WDFY4: variants seen among roughly 807,000 people sequenced by gnomAD.
WDFY4 encodes the protein WDFY family member 4.
WDFY4 carries 169 observed loss-of-function variants against 351.9 expected under a neutral mutation model. The ratio of observed to expected loss-of-function variants is 0.48; its 90% CI spans 0.42 to 0.55. The LOEUF is 0.55. Among genes scored for constraint, WDFY4 ranks in the 20% least tolerant of loss-of-function variants. The pLI is 0.00. For synonymous variants in WDFY4, 1,622 were observed against 1,574.6 expected (o/e 1.03, Z -0.71); for missense variants, 3,803 against 3,935.6 (o/e 0.97, Z 0.90).
At chr10:48,704,792 C>A (rs970337341) in intron 1 of WDFY4, among the ~76,000 whole-genome samples, 1 of 152,252 alleles carries the variant, frequency 6.6e-6, no homozygotes, top group Non-Finnish European at 1.5e-5. Context: ...GCTCCCACCT[C>A]AGTACCAGCT....
At chr10:48,719,911 G>A (rs1049293222) in intron 2 of WDFY4, 100 bp from the exon 3 acceptor site, 13 of 1,073,122 alleles carry the variant, frequency 1.2e-5, no homozygotes, top group East Asian at 2.6e-5. Context: ...AAAGGAAGTC[G>A]AGCTGTCAGC....
At chr10:48,820,603 T>G (rs2067789510) in intron 33 of WDFY4, among the ~76,000 whole-genome samples, 166 bp downstream of exon 33, 1 of 151,524 alleles carries the variant, frequency 6.6e-6, no homozygotes, top group Admixed American at 6.6e-5. Context: ...GATAGAGGAG[T>G]GAGCACAGAG....
intron 51 of WDFY4, among the ~76,000 whole-genome samples, chr10:48,953,914 T>C (rs1342232638): frequency 1.3e-5 from 2 of 152,234 alleles, no homozygotes; most frequent in Admixed American, 6.5e-5. Context: ...AGACTTTGTG[T>C]CCTCTCATGA....
chr10:48,760,524 C>T, intron 13 of WDFY4, 84 bp downstream of exon 13: 1 of 1,393,698 alleles, frequency 7.2e-7, no homozygotes, highest in Non-Finnish European at 9.9e-7. Context: ...AGCTTTTTTC[C>T]TTTTGTCCGT....
At chr10:48,763,281 G>T (rs2132536437) in intron 13 of WDFY4, among the ~76,000 whole-genome samples, 1 of 152,366 alleles carries the variant, frequency 6.6e-6, no homozygotes, top group East Asian at 1.9e-4. Flanking sequence ...TTGTGGTGAT[G>T]GTGAGGGGAA....
At chr10:48,849,917 GT>G (rs985135221) in intron 39 of WDFY4, among the ~76,000 whole-genome samples, 15 of 152,200 alleles carry the variant, frequency 9.9e-5, no homozygotes, top group African/African-American at 2.6e-4. Flanking sequence ...GATATTCCTT[GT>G]TTTTTGTGAC....
Position 48,820,242 on chromosome 10 carries a change from G to A in WDFY4, c.5514G>A (p.Gly1838=), listed in dbSNP as rs989483764. The change falls in exon 33 of 62, where the codon GGG becomes GGA. Residue 1838 remains glycine (G), a synonymous_variant. Coordinates refer to ENST00000325239, the MANE Select transcript of WDFY4 (RefSeq NM_001394531.1). ...GTTCTCTTGTCTTTGAGGGGGTTGG[G>A]GCTGAGTCCACCCGGAACACCAGCA... ...AFPLGAQKGV[G]AESTRNTSSP... is the part of the protein sequence containing the mutation. 98 of 1,551,520 alleles carry A rather than the reference G, an allele frequency of 6.3e-5. No individual in the cohort carries two copies. Among genetic ancestry groups the A allele is most frequent in the Non-Finnish European group, 7.3e-5 (84 of 1,146,996 alleles).
intron 1 of WDFY4, among the ~76,000 whole-genome samples, chr10:48,694,491 G>C (rs922242497): frequency 1.3e-5 from 2 of 151,550 alleles, no homozygotes; most frequent in African/African-American, 2.4e-5. Flanking sequence ...CCATGTATTA[G>C]AGCATCCCTT....
rs1277712751 is a variant in WDFY4, at chr10:48,906,543, A to G, written c.7586+4680A>G. The stretch of plus-strand genomic sequence containing the variant: ...CTGCAAGCCGACAGGGCCTTCTAAC[A>G]TATGCCAGCTAGAGCTGTTGGATGA... On this transcript the variant is annotated intron_variant, in intron 47 of 61. Coordinates refer to ENST00000325239, the MANE Select transcript of WDFY4 (RefSeq NM_001394531.1). Among the ~76,000 whole-genome samples the G allele has an allele frequency of 2.0e-5, 3 of 152,346 alleles. No homozygotes were observed. In the East Asian group the frequency reaches 5.8e-4, roughly 29 times the overall value.
chr10:48,823,169 T>C, intron 35 of WDFY4: 1 of 661,270 alleles, frequency 1.5e-6, no homozygotes, highest in East Asian at 7.8e-5. Context: ...AAAGAGACCT[T>C]TTTTTTTTTT....
intron 35 of WDFY4, 24 bp from the exon 36 acceptor site, chr10:48,826,647 G>A (rs1414727177): frequency 6.6e-7 from 1 of 1,517,932 alleles, no homozygotes; most frequent in Non-Finnish European, 9.0e-7. Flanking sequence ...GTTTGTGTAT[G>A]TGTATGTTTT....
At chr10:48,761,260 T>C (rs928158248) in intron 13 of WDFY4, among the ~76,000 whole-genome samples, 9 of 152,126 alleles carry the variant, frequency 5.9e-5, no homozygotes, top group Admixed American at 1.3e-4. Flanking sequence ...GCATGCAGGC[T>C]TCTGGGAGCC....
intron 51 of WDFY4, among the ~76,000 whole-genome samples, chr10:48,955,162 C>T (rs1841524315): frequency 6.6e-6 from 1 of 152,158 alleles, no homozygotes; most frequent in South Asian, 2.1e-4. Flanking sequence ...ATGAGTGACT[C>T]GTTAGGTGAA....
intron 47 of WDFY4, among the ~76,000 whole-genome samples, chr10:48,922,519 T>A (rs1839176830): frequency 6.6e-6 from 1 of 152,234 alleles, no homozygotes; most frequent in South Asian, 2.1e-4. Flanking sequence ...AACAGTAAAT[T>A]GTTGAAATTG....
chr10:48,973,810 A>T (rs118047489), intron 57 of WDFY4, among the ~76,000 whole-genome samples: 2,413 of 152,354 alleles, frequency 0.016, 23 homozygotes, highest in Admixed American at 0.025. Flanking sequence ...CTGGACACAC[A>T]GCCATCCATG....
At chr10:48,910,805 G>A (rs1054936308) in intron 47 of WDFY4, 1 of 511,482 alleles carries the variant, frequency 2.0e-6, no homozygotes, top group Non-Finnish European at 2.5e-6. Context: ...GCAAGTAAGG[G>A]TGTTGAGGAC....
chr10:48,775,850 A>G, intron 15 of WDFY4, 44 bp downstream of exon 15: 1 of 1,487,234 alleles, frequency 6.7e-7, no homozygotes, highest in Non-Finnish European at 9.2e-7. Flanking sequence ...GGGAAGTAAA[A>G]GATGATAGGC....
At chr10:48,728,015 A>G (rs2064326503) in intron 7 of WDFY4, among the ~76,000 whole-genome samples, 1 of 152,198 alleles carries the variant, frequency 6.6e-6, no homozygotes, top group Non-Finnish European at 1.5e-5. Context: ...AACCACCTTC[A>G]GGAGCAGCTG....
At chr10:48,726,555 G>T (rs57486611) in intron 6 of WDFY4, among the ~76,000 whole-genome samples, 11,171 of 152,212 alleles carry the variant, frequency 0.073, 621 homozygotes, top group East Asian at 0.25. Context: ...CTATGTGTAG[G>T]GGTTAAGGCC....
Sources: allele counts gnomAD v4.1 joint callset (sites outside exome capture counted in the v4.1 genomes callset), GRCh38; gene constraint gnomAD v4.1.1; transcripts MANE v1.5; gene names NCBI Gene and HGNC (gene_info 2026-07-23, HGNC 2026-07-21).